GALNT5: variants seen among roughly 807,000 people sequenced by gnomAD.
GALNT5 encodes polypeptide N-acetylgalactosaminyltransferase 5.
GALNT5 carries 72 observed loss-of-function variants against 85.4 expected under a neutral mutation model. That is an observed-to-expected ratio of 0.84 (90% confidence interval 0.70 to 1.03). The LOEUF (loss-of-function observed/expected upper bound fraction) is 1.03, where lower values mean the gene tolerates loss of function less well. Ranked by LOEUF, GALNT5 falls within the 50% of genes least tolerant of loss-of-function variation. The probability of loss-of-function intolerance (pLI) is 0.00; values close to 1 mark genes in which losing one functional copy is unlikely to be tolerated. For synonymous variants in GALNT5, 404 were observed against 397.0 expected, an observed-to-expected ratio of 1.02 and a Z score of -0.21; for missense variants, 1,137 against 1,135.5, an observed-to-expected ratio of 1.00 and a Z score of -0.02.
chr2:157,284,082 T>G (rs1682913472), intron 1 of GALNT5, among the ~76,000 whole-genome samples, 200 bp from the exon 2 acceptor site: 3 of 152,164 alleles, frequency 2.0e-5, no homozygotes, highest in Admixed American at 2.0e-4. Flanking sequence ...TTATTTTGCA[T>G]GTACCCCTCC....
At chr2:157,302,102 A>G (rs537384403) in intron 7 of GALNT5, 1 of 152,224 alleles carries the variant, frequency 6.6e-6, no homozygotes, top group Admixed American at 6.5e-5. Context: ...CTTATAACTA[A>G]CCCCAGTGTT....
At chr2:157,306,107 G>C (rs972972376) in intron 8 of GALNT5, among the ~76,000 whole-genome samples, 1 of 152,172 alleles carries the variant, frequency 6.6e-6, no homozygotes, top group Non-Finnish European at 1.5e-5. Flanking sequence ...TGGGTAAATG[G>C]TAGTGATAAT....
chr2:157,287,325 T>A (rs972431901), intron 3 of GALNT5, among the ~76,000 whole-genome samples: 1 of 152,168 alleles, frequency 6.6e-6, no homozygotes, highest in African/African-American at 2.4e-5. Flanking sequence ...TTTTCTATAA[T>A]TCATTCTTTT....
In GALNT5 at chr2:157,312,425, A is replaced by T. The variant is rs976534813; in HGVS notation, c.*1077A>T. The T allele has an allele frequency of 6.6e-6, 1 of 152,018 alleles. No homozygotes were observed. The highest frequency in any genetic ancestry group is 6.6e-5 in the Admixed American group (1 of 15,232). 9.4% of individuals were successfully genotyped at this position (152,018 alleles called of 1,614,324 possible). On this transcript the variant is annotated 3_prime_UTR_variant, in exon 10 of 10. Coordinates refer to ENST00000259056, the MANE Select transcript of GALNT5 (RefSeq NM_014568.3). ...GTCTTAGGAAGAGAGTTAAGAAAAA[A>T]TTCCGCTGGACTTGGCCAAAGAAAG...
At position 157,305,756 on chromosome 2, in the gene GALNT5, A is replaced by G; in HGVS notation, c.2447A>G (p.Asn816Ser). Residue 816 changes from asparagine to serine, a missense_variant, in exon 8 of 10, where the codon AAT becomes AGT. Transcript: ENST00000259056. Reference protein sequence around the residue: ...PIVRASGVLINVALGKCISIE... With the variant: ...PIVRASGVLISVALGKCISIE... The stretch of plus-strand genomic sequence containing the variant: ...TCGTATTTTGCTTTTTAGCTTATTA[A>G]TGTGGCTTTGGGTAAATGCATTTCC... 6.3e-7 allele frequency: 1 copy of G among 1,594,082 alleles called. No homozygotes were observed. Among genetic ancestry groups the G allele is most frequent in the Non-Finnish European group, 8.6e-7 (1 of 1,162,276 alleles).
In GALNT5 at chr2:157,300,972, G is replaced by A. The variant is rs773397464; in HGVS notation, c.2412G>A (p.Arg804=). The change falls in exon 7 of 10, where the codon AGG becomes AGA. Residue 804 remains arginine, a synonymous_variant. Coordinates refer to ENST00000259056, the MANE Select transcript of GALNT5 (RefSeq NM_014568.3). ...WYLENVFPDL[R]APIVRASGVL... is the part of the protein sequence containing the mutation. ...TGGAGAATGTCTTTCCTGACTTAAG[G>A]GCTCCCATTGTGAGAGCTAGTGGTG... is the stretch of plus-strand genomic sequence containing the variant. The A allele has an allele frequency of 7.3e-5, 118 of 1,613,586 alleles. No homozygotes were observed. The South Asian group carries it at 1.2e-3, about 17-fold the overall frequency.
Position 157,258,675 on chromosome 2 carries a change from G to A in GALNT5, c.593G>A (p.Arg198Gln), listed in dbSNP as rs775073923. Residue 198 changes from arginine to glutamine, a missense_variant, in exon 1 of 10, where the codon CGG becomes CAG. Transcript: ENST00000259056. ...CGTGTCAGTTTAAAACAGGAGCCCC[G>A]GAAGAGTCATAGTCCCAGCAGTGAC... is the stretch of plus-strand genomic sequence containing the variant. ...MGRVSLKQEP[R>Q]KSHSPSSDTS... The A allele has an allele frequency of 1.1e-4, 180 of 1,613,674 alleles. No homozygotes were observed. The Admixed American group carries it at 2.8e-3, about 25-fold the overall frequency.
chr2:157,289,199 T>C (rs768689172), intron 3 of GALNT5, among the ~76,000 whole-genome samples: 2 of 152,096 alleles, frequency 1.3e-5, no homozygotes, highest in Non-Finnish European at 2.9e-5. Flanking sequence ...TTAGACAACA[T>C]GGGTGGAGTG....
Position 157,258,550 on chromosome 2 carries a change from C to T in GALNT5, c.468C>T (p.His156=), listed in dbSNP as rs781040290. 1.1e-5 allele frequency: 17 copies of T among 1,612,968 alleles called. No homozygotes were observed. Among genetic ancestry groups the T allele is most frequent in the Admixed American group, 1.7e-5 (1 of 59,864 alleles). The change falls in exon 1 of 10, where the codon CAC becomes CAT. Residue 156 remains histidine, a synonymous_variant. Transcript: ENST00000259056. ...GCACCAAACCTGAAGCCTCCTCTCA[C>T]CAGGGGACACCAAAGCAAACGACAG... ...GRGTKPEASS[H]QGTPKQTTAQ...
At chr2:157,296,590 C>T in intron 5 of GALNT5, 77 bp downstream of exon 5, 1 of 1,076,682 alleles carries the variant, frequency 9.3e-7, no homozygotes, top group Non-Finnish European at 1.4e-6. Flanking sequence ...TACAAAACAG[C>T]TGTATCTTGT....
At chr2:157,274,646 G>A (rs1299329186) in intron 1 of GALNT5, among the ~76,000 whole-genome samples, 1 of 152,094 alleles carries the variant, frequency 6.6e-6, no homozygotes, top group Non-Finnish European at 1.5e-5. Flanking sequence ...AGCGTCTGTT[G>A]ATATTCTTTG....
At chr2:157,276,939 GCTTT>G (rs1212655626) in intron 1 of GALNT5, among the ~76,000 whole-genome samples, 50 of 152,076 alleles carry the variant, frequency 3.3e-4, no homozygotes, top group African/African-American at 1.2e-3. Flanking sequence ...GATCTTTCCT[GCTTT>G]CTTTTGTGGG....
Position 157,258,953 on chromosome 2 carries a change from C to A in GALNT5, c.871C>A (p.Gln291Lys), listed in dbSNP as rs1196861859. The A allele has an allele frequency of 1.3e-6, 2 of 1,526,636 alleles. No individual in the cohort carries two copies. The highest frequency in any genetic ancestry group is 2.3e-5 in the East Asian group (1 of 44,264). The allele number at this position is 1,526,636 out of a possible 1,614,324, so 94.6% of individuals were successfully genotyped here. Residue 291 changes from glutamine to lysine, a missense_variant, in exon 1 of 10, where the codon CAA (glutamine) becomes AAA (lysine). Coordinates refer to ENST00000259056, the MANE Select transcript of GALNT5 (RefSeq NM_014568.3). Reference protein sequence around the residue: ...FTVNSNRLRKQSINETPLGSL... With the variant: ...FTVNSNRLRKKSINETPLGSL... The stretch of plus-strand genomic sequence containing the variant: ...TGTCAATTCAAATCGCTTAAGGAAG[C>A]AATCTATTAATGAGACACCTTTGGG...
intron 1 of GALNT5, among the ~76,000 whole-genome samples, chr2:157,261,991 TGAAA>T (rs1019191570): frequency 4.5e-4 from 69 of 152,142 alleles, no homozygotes; most frequent in African/African-American, 1.6e-3. Flanking sequence ...TACATGTGTG[TGAAA>T]GAAAGAGAGA....
Position 157,258,656 on chromosome 2 carries a change from A to T in GALNT5, c.574A>T (p.Ser192Cys). ...VKISVHMGRV[S>C]LKQEPRKSHS... ...AATATCAGTACACATGGGACGTGTCAGTTTAAAACAGGAGCCCCGGAAGAG... is the reference window on the plus strand; with the variant it reads ...AATATCAGTACACATGGGACGTGTCTGTTTAAAACAGGAGCCCCGGAAGAG... The change falls in exon 1 of 10, where the codon AGT (serine) becomes TGT (cysteine). Residue 192 changes from serine (S) to cysteine (C), a missense_variant. Coordinates refer to ENST00000259056, the MANE Select transcript of GALNT5 (RefSeq NM_014568.3). The T allele has an allele frequency of 6.2e-7, 1 of 1,613,826 alleles. No individual in the cohort carries two copies. The highest frequency in any genetic ancestry group is 8.5e-7 in the Non-Finnish European group (1 of 1,179,962).
In GALNT5 at chr2:157,299,651, G is replaced by A; in HGVS notation, c.2101G>A (p.Glu701Lys). 6.3e-7 allele frequency: 1 copy of A among 1,585,442 alleles called. No homozygotes were observed. The highest frequency in any genetic ancestry group is 8.7e-7 in the Non-Finnish European group (1 of 1,154,880). Residue 701 changes from glutamate to lysine, a missense_variant, in exon 6 of 10, where the codon GAG becomes AAG. Glu to Lys is a moderately conservative substitution (Grantham distance 56). Transcript: ENST00000259056. ...TGATGTTTGGGGTGGGGAAAATATG[G>A]AGCTCTCATTCAAGGTATTACCAGG... ...GLDVWGGENM[E>K]LSFKVWMCGG...
At chr2:157,293,870 A>G (rs1489010031) in intron 3 of GALNT5, among the ~76,000 whole-genome samples, 1 of 152,208 alleles carries the variant, frequency 6.6e-6, no homozygotes, top group African/African-American at 2.4e-5. Flanking sequence ...GCATTTTTTA[A>G]AGAATGTAAT....
At chr2:157,297,221 C>G (rs537177251) in intron 5 of GALNT5, among the ~76,000 whole-genome samples, 1 of 152,260 alleles carries the variant, frequency 6.6e-6, no homozygotes, top group African/African-American at 2.4e-5. Context: ...AAGCCCAGAC[C>G]GTGCACCGAA....
chr2:157,307,026 G>T (rs1683468278), intron 8 of GALNT5, among the ~76,000 whole-genome samples: 1 of 149,202 alleles, frequency 6.7e-6, no homozygotes, highest in African/African-American at 2.5e-5. Context: ...TTTTTTTTAG[G>T]AATCATCATA....
Sources: allele counts gnomAD v4.1 joint callset (sites outside exome capture counted in the v4.1 genomes callset), GRCh38; gene constraint gnomAD v4.1.1; transcripts MANE v1.5; gene names NCBI Gene and HGNC (gene_info 2026-07-23, HGNC 2026-07-21).